The following PDE4D variants were observed in gnomAD, a reference collection of about 807,000 sequenced individuals.
PDE4D encodes the protein 3',5'-cyclic-AMP phosphodiesterase 4D.
A neutral mutation model predicts 87.4 loss-of-function variants in PDE4D; 24 were observed. The observed-to-expected ratio is 0.27, with a 90% CI of 0.20 to 0.39. The LOEUF is 0.39. PDE4D is among the 10% of genes least tolerant of loss of function. The probability of loss-of-function intolerance (pLI) is 1.00; values close to 1 mark genes in which losing one functional copy is unlikely to be tolerated. For synonymous variants in PDE4D, 384 were observed against 383.2 expected, an observed-to-expected ratio of 1.00 and a Z score of -0.02; for missense variants, 714 against 1,041.0, an observed-to-expected ratio of 0.69 and a Z score of 4.32.
intron 1 of PDE4D, among the ~76,000 whole-genome samples, chr5:59,242,392 T>A (rs1381076465): frequency 6.6e-6 from 1 of 152,180 alleles, no homozygotes; most frequent in Admixed American, 6.6e-5. Context: ...TGATCTTTTT[T>A]CAACTAGTCT....
chr5:60,049,602 C>T (rs1370072201), intron 2 of PDE4D, among the ~76,000 whole-genome samples: 4 of 152,152 alleles, frequency 2.6e-5, no homozygotes, highest in African/African-American at 9.6e-5. Flanking sequence ...CCCTCAGCTG[C>T]AGGTCTGTTG....
intron 1 of PDE4D, among the ~76,000 whole-genome samples, chr5:59,802,961 G>T (rs557392741): frequency 3.3e-4 from 50 of 152,112 alleles, no homozygotes; most frequent in Non-Finnish European, 6.3e-4. Flanking sequence ...TAGAAAACAC[G>T]CTCCAAATGG....
chr5:59,289,106 G>T (rs896299713), intron 1 of PDE4D, among the ~76,000 whole-genome samples: 1 of 151,898 alleles, frequency 6.6e-6, no homozygotes, highest in Non-Finnish European at 1.5e-5. Flanking sequence ...AAGAATAAAA[G>T]ATAAACTGAT....
At chr5:59,580,551 C>CA (rs1251199137) in intron 1 of PDE4D, among the ~76,000 whole-genome samples, 1 of 152,050 alleles carries the variant, frequency 6.6e-6, no homozygotes, top group Non-Finnish European at 1.5e-5. Context: ...ATCGTAGCCT[C>CA]AACCTTCTGA....
intron 3 of PDE4D, among the ~76,000 whole-genome samples, chr5:59,940,160 G>A (rs1468015168): frequency 1.3e-5 from 2 of 152,194 alleles, no homozygotes; most frequent in Non-Finnish European, 2.9e-5. Context: ...CTTTATCATG[G>A]AGCTTCAGGA....
At chr5:60,161,649 A>C (rs975674363) in intron 2 of PDE4D, among the ~76,000 whole-genome samples, 8 of 152,096 alleles carry the variant, frequency 5.3e-5, no homozygotes, top group African/African-American at 1.9e-4. Flanking sequence ...TGAAACATGC[A>C]TATTTTCCCC....
intron 1 of PDE4D, among the ~76,000 whole-genome samples, chr5:59,514,207 A>G (rs1044062704): frequency 7.3e-5 from 11 of 150,476 alleles, no homozygotes; most frequent in African/African-American, 2.2e-4. Context: ...CCGGGTTCAC[A>G]CCATTCTCCT....
intron 3 of PDE4D, among the ~76,000 whole-genome samples, chr5:59,954,580 C>T (rs992986796): frequency 2.0e-5 from 3 of 152,110 alleles, no homozygotes; most frequent in Non-Finnish European, 4.4e-5. Context: ...TACTTTAGCC[C>T]TAACTGTGGC....
intron 1 of PDE4D, among the ~76,000 whole-genome samples, chr5:60,351,963 A>G (rs997042929): frequency 1.4e-5 from 2 of 141,966 alleles, no homozygotes; most frequent in Admixed American, 1.4e-4. Context: ...GCACCACCAC[A>G]CCCGGCTTTT....
intron 1 of PDE4D, among the ~76,000 whole-genome samples, chr5:59,498,082 T>C (rs1325554611): frequency 6.6e-6 from 1 of 151,922 alleles, no homozygotes; most frequent in Non-Finnish European, 1.5e-5. Flanking sequence ...CTATACTTCA[T>C]AAATGAAAGA....
intron 1 of PDE4D, among the ~76,000 whole-genome samples, chr5:59,750,084 C>CTTTTT (rs35243469): frequency 4.6e-5 from 6 of 131,438 alleles, no homozygotes; most frequent in African/African-American, 1.7e-4. Context: ...GAATTATGAC[C>CTTTTT]TTTTTTTTTT....
At chr5:59,332,680 G>C (rs1486878634) in intron 1 of PDE4D, among the ~76,000 whole-genome samples, 1 of 152,168 alleles carries the variant, frequency 6.6e-6, no homozygotes, top group East Asian at 1.9e-4. Context: ...TTATTAAAAA[G>C]ACCAGAAAAC....
At chr5:60,309,884 G>A (rs1043654662) in intron 1 of PDE4D, among the ~76,000 whole-genome samples, 1 of 152,188 alleles carries the variant, frequency 6.6e-6, no homozygotes, top group Non-Finnish European at 1.5e-5. Flanking sequence ...TGTAAGACAT[G>A]TGGACTAGTT....
chr5:59,968,608 A>G (rs1322973829), intron 3 of PDE4D, among the ~76,000 whole-genome samples: 1 of 152,188 alleles, frequency 6.6e-6, no homozygotes, highest in Non-Finnish European at 1.5e-5. Context: ...CTAGAACCAT[A>G]TAACAGCCCT....
chr5:59,693,405 T>C (rs190134000), intron 1 of PDE4D, among the ~76,000 whole-genome samples: 1 of 152,242 alleles, frequency 6.6e-6, no homozygotes, highest in African/African-American at 2.4e-5. Context: ...CTGAGTTATA[T>C]ATTAAAAGTG....
intron 1 of PDE4D, among the ~76,000 whole-genome samples, chr5:59,448,004 G>A (rs1319071422): frequency 3.3e-5 from 5 of 152,160 alleles, no homozygotes; most frequent in Admixed American, 2.6e-4. Context: ...ATAAGACTGT[G>A]GCTGTAGCAA....
rs113022999 is a variant in PDE4D, at chr5:60,505,527, G to A, written n.70+16524C>T. ...GCTGAGCACTCTATAATACAGCCAC[G>A]GGACTTGCACACTGCAAGACAGTGT... On this transcript the variant is annotated intron_variant and non_coding_transcript_variant, in intron 1 of 2. Transcript: ENST00000506510. Among the ~76,000 whole-genome samples the A allele has an allele frequency of 6.3e-3, 957 of 152,224 alleles. 11 individuals are homozygous for A. Among genetic ancestry groups the A allele is most frequent in the African/African-American group, 0.021 (865 of 41,524 alleles).
chr5:59,685,181 C>T (rs298071), intron 1 of PDE4D, among the ~76,000 whole-genome samples: 114,520 of 152,154 alleles, frequency 0.75, 43,222 homozygotes, highest in East Asian at 0.84. Context: ...TTTTCTAATA[C>T]GAACATAACT....
At chr5:58,989,619 T>G in intron 10 of PDE4D, 136 bp downstream of exon 10, 1 of 564,176 alleles carries the variant, frequency 1.8e-6, no homozygotes, top group Non-Finnish European at 3.1e-6. Context: ...AACTATAGCA[T>G]TTTCCCCCAT....
Sources: allele counts gnomAD v4.1 joint callset (sites outside exome capture counted in the v4.1 genomes callset), GRCh38; gene constraint gnomAD v4.1.1; transcripts MANE v1.5; gene names NCBI Gene and HGNC (gene_info 2026-07-23, HGNC 2026-07-21).